ZNF528: variants seen among roughly 807,000 people sequenced by gnomAD.
The protein encoded by ZNF528 is zinc finger protein 528.
In ZNF528, 9 loss-of-function variants were observed where a neutral mutation model predicts 13.3. The ratio of observed to expected loss-of-function variants is 0.67; its 90% confidence interval spans 0.41 to 1.18. The LOEUF (loss-of-function observed/expected upper bound fraction) is 1.18, where lower values mean the gene tolerates loss of function less well. Ranked by LOEUF, ZNF528 falls within the 50% of genes most tolerant of loss-of-function variation. ZNF528 has a pLI of 0.01. For synonymous variants in ZNF528, 264 were observed against 254.3 expected (o/e 1.04, Z -0.36); for missense variants, 858 against 745.4 (o/e 1.15, Z -1.76).
At chr19:52,405,261 C>A (rs149144967) in intron 4 of ZNF528, among the ~76,000 whole-genome samples, 2 of 148,666 alleles carry the variant, frequency 1.3e-5, no homozygotes, top group Non-Finnish European at 3.0e-5. Flanking sequence ...TTGGGTGTGG[C>A]GGCTCACACC....
In ZNF528 at chr19:52,415,104, C is replaced by G. The variant is rs1568430456; in HGVS notation, c.272-20C>G. 6.2e-7 allele frequency: 1 copy of G among 1,609,712 alleles called. No homozygotes were observed. The highest frequency in any genetic ancestry group is 1.3e-5 in the African/African-American group (1 of 74,638). On this transcript the variant is annotated intron_variant, in intron 6 of 6. Coordinates refer to ENST00000360465, the MANE Select transcript of ZNF528 (RefSeq NM_032423.3). ...GCCATTATCATGGGTTGAAGTTCCA[C>G]TTTTTTCTTTCTGTTTTAGAGAGGA...
At position 52,416,700 on chromosome 19, in the gene ZNF528, C is replaced by T. The variant is rs770028229; in HGVS notation, c.1848C>T (p.His616=). 1 of 1,609,760 alleles carries T rather than the reference C, an allele frequency of 6.2e-7. No individual in the cohort carries two copies. The highest frequency in any genetic ancestry group is 1.7e-5 in the Admixed American group (1 of 59,920). Residue 616 remains histidine, a synonymous_variant, in exon 7 of 7, where the codon CAC becomes CAT. Coordinates refer to ENST00000360465, the MANE Select transcript of ZNF528 (RefSeq NM_032423.3). ...CCCTGTGCAGTAAGGTCTTCAGTCACAATTCTGACCTTGCACAGCATCAGA... is the reference window on the plus strand; with the variant it reads ...CCCTGTGCAGTAAGGTCTTCAGTCATAATTCTGACCTTGCACAGCATCAGA... ...KCTLCSKVFS[H]NSDLAQHQRV...
chr19:52,406,922 C>G (rs2058863980), intron 6 of ZNF528: 1 of 400,116 alleles, frequency 2.5e-6, no homozygotes, highest in African/African-American at 2.1e-5. Context: ...CTTGTGAGTT[C>G]TGAACAGACA....
At chr19:52,408,232 C>T (rs1382074526) in intron 6 of ZNF528, 2 of 148,822 alleles carry the variant, frequency 1.3e-5, no homozygotes, top group Non-Finnish European at 3.0e-5. Flanking sequence ...CCAGGCTGAT[C>T]TCGGCTCACT....
rs187908222 is a variant in ZNF528, at chr19:52,414,804, A to G, written c.272-320A>G. The stretch of plus-strand genomic sequence containing the variant: ...TGTGGAAGTACCATTATTAATGTCT[A>G]TACAGCTCTTCTTGGATTTCTGATT... On this transcript the variant is annotated intron_variant, in intron 6 of 6. Coordinates refer to ENST00000360465, the MANE Select transcript of ZNF528 (RefSeq NM_032423.3). The G allele has an allele frequency of 2.1e-4, 117 of 565,114 alleles. 1 individual carries two copies. The East Asian group carries it at 3.7e-3, about 18-fold the overall frequency. 35.0% of individuals were successfully genotyped at this position (565,114 alleles called of 1,614,324 possible). A position where few individuals can be genotyped will look rare whatever the true frequency, so the allele number is the denominator to read the frequency against.
chr19:52,406,365 G>A, intron 5 of ZNF528, 150 bp from the exon 6 acceptor site: 1 of 1,220,346 alleles, frequency 8.2e-7, no homozygotes, highest in Non-Finnish European at 1.1e-6. Context: ...ATGTTACAAT[G>A]TTCCCTAAGC....
At position 52,409,864 on chromosome 19, in the gene ZNF528, A is replaced by G. The variant is rs140181117; in HGVS notation, c.271+3221A>G. Among the ~76,000 whole-genome samples the G allele has an allele frequency of 2.1e-3, 327 of 152,150 alleles. 7 individuals carry two copies. The East Asian group carries it at 0.047, about 22-fold the overall frequency. On this transcript the variant is annotated intron_variant, in intron 6 of 6. Transcript: ENST00000360465. ...CCTGAGTAGCTGGGACTAGGCGCACACCATCACGCCTGGCTAATTTTTGTA... is the reference window on the plus strand; with the variant it reads ...CCTGAGTAGCTGGGACTAGGCGCACGCCATCACGCCTGGCTAATTTTTGTA...
chr19:52,401,254 C>T (rs1318803071), intron 2 of ZNF528, among the ~76,000 whole-genome samples: 1 of 152,114 alleles, frequency 6.6e-6, no homozygotes, highest in African/African-American at 2.4e-5. Context: ...CCTGAACTCC[C>T]CCAGACATGT....
chr19:52,414,543 C>T (rs1213804360), intron 6 of ZNF528: 3 of 531,076 alleles, frequency 5.6e-6, no homozygotes, highest in Non-Finnish European at 1.0e-5. Context: ...GAACAATAGA[C>T]TGTAGATGTC....
rs934418712 is a variant in ZNF528, at chr19:52,417,468, T to C, written c.*729T>C. On this transcript the variant is annotated 3_prime_UTR_variant, in exon 7 of 7. Transcript: ENST00000360465. ...CACCAACTGACCATGAAATAGAGTA[T>C]GCTGTAATCTTAAGGCATAGGTTAT... 1 of 155,864 alleles carries C rather than the reference T, an allele frequency of 6.4e-6. No individual in the cohort carries two copies. The highest frequency in any genetic ancestry group is 6.5e-5 in the Admixed American group (1 of 15,394). 9.7% of individuals were successfully genotyped at this position (155,864 alleles called of 1,614,324 possible).
At chr19:52,406,342 G>C (rs1400991696) in intron 5 of ZNF528, among the ~76,000 whole-genome samples, 173 bp from the exon 6 acceptor site, 3 of 152,130 alleles carry the variant, frequency 2.0e-5, no homozygotes, top group Non-Finnish European at 2.9e-5. Context: ...TTGGAAGGGG[G>C]CTCTATGTCT....
intron 2 of ZNF528, among the ~76,000 whole-genome samples, chr19:52,400,296 G>A (rs2058777123): frequency 6.7e-6 from 1 of 149,866 alleles, no homozygotes; most frequent in South Asian, 2.1e-4. Context: ...TTCATCCTCA[G>A]AAGAAAAAAC....
intron 6 of ZNF528, chr19:52,411,760 T>C (rs1008129024): frequency 1.3e-5 from 2 of 152,222 alleles, no homozygotes; most frequent in Non-Finnish European, 2.9e-5. Flanking sequence ...CTAAACCTTT[T>C]CTACTTTCAT....
chr19:52,400,769 T>A (rs1178488086), intron 2 of ZNF528, among the ~76,000 whole-genome samples: 1 of 152,006 alleles, frequency 6.6e-6, no homozygotes, highest in African/African-American at 2.4e-5. Context: ...CTAGCCATCC[T>A]CCTACAAAGA....
At chr19:52,411,415 C>T (rs574518210) in intron 6 of ZNF528, 26 of 152,322 alleles carry the variant, frequency 1.7e-4, no homozygotes, top group Middle Eastern at 3.4e-3. Flanking sequence ...TGCTGTAATG[C>T]ACCCATTGGT....
Position 52,415,450 on chromosome 19 carries a change from A to G in ZNF528, c.598A>G (p.Ser200Gly), listed in dbSNP as rs753379000. The G allele has an allele frequency of 7.5e-5, 121 of 1,614,236 alleles. No individual in the cohort carries two copies. The East Asian group carries it at 2.6e-3, about 35-fold the overall frequency. The change falls in exon 7 of 7, where the codon AGC (serine) becomes GGC (glycine). Residue 200 changes from serine to glycine, a missense_variant. Coordinates refer to ENST00000360465, the MANE Select transcript of ZNF528 (RefSeq NM_032423.3). ...CGGCCAAGTCTTTAGAGCATCTGCAAGCCTTACTAACCAAGTAATCCATAA... is the reference window on the plus strand; with the variant it reads ...CGGCCAAGTCTTTAGAGCATCTGCAGGCCTTACTAACCAAGTAATCCATAA... The part of the protein sequence containing the change: ...EHGQVFRASA[S>G]LTNQVIHNAD...
At chr19:52,414,226 T>A (rs1267987414) in intron 6 of ZNF528, 1 of 702,542 alleles carries the variant, frequency 1.4e-6, no homozygotes, top group Non-Finnish European at 2.6e-6. Flanking sequence ...AGCAGAACCT[T>A]CTTTGTTCAC....
At position 52,416,006 on chromosome 19, in the gene ZNF528, A is replaced by G. The variant is rs753718071; in HGVS notation, c.1154A>G (p.Glu385Gly). 1 of 1,614,158 alleles carries G rather than the reference A, an allele frequency of 6.2e-7. No individual in the cohort carries two copies. The highest frequency in any genetic ancestry group is 8.5e-7 in the Non-Finnish European group (1 of 1,180,034). ...HTGRKPYKCK[E>G]CDKVFGRKCF... Reference sequence around the variant, plus strand: ...GGAAGGAAACCTTACAAATGTAAAGAATGTGACAAGGTCTTTGGGCGCAAG... The same window carrying G: ...GGAAGGAAACCTTACAAATGTAAAGGATGTGACAAGGTCTTTGGGCGCAAG... The change falls in exon 7 of 7, where the codon GAA (glutamate) becomes GGA (glycine). Residue 385 changes from glutamate to glycine, a missense_variant. Physicochemically the swap from Glu to Gly is moderately conservative, Grantham distance 98. Coordinates refer to ENST00000360465, the MANE Select transcript of ZNF528 (RefSeq NM_032423.3).
Position 52,405,964 on chromosome 19 carries a change from C to G in ZNF528, c.73C>G (p.Leu25Val). Residue 25 changes from leucine to valine, a missense_variant, in exon 5 of 7, where the codon CTG becomes GTG. By Grantham distance (32) the Leu-to-Val change is conservative. Coordinates refer to ENST00000360465, the MANE Select transcript of ZNF528 (RefSeq NM_032423.3). Reference sequence around the variant, plus strand: ...GTTCTCTCAGGAAGAGTGGAAATGCCTGGACCCTGCGCAGAGGACTTTATA... The same window carrying G: ...GTTCTCTCAGGAAGAGTGGAAATGCGTGGACCCTGCGCAGAGGACTTTATA... Reference protein sequence around the residue: ...IEFSQEEWKCLDPAQRTLYRD... With the variant: ...IEFSQEEWKCVDPAQRTLYRD... 3 of 1,612,258 alleles carry G rather than the reference C, an allele frequency of 1.9e-6. No homozygotes were observed. The highest frequency in any genetic ancestry group is 2.5e-6 in the Non-Finnish European group (3 of 1,178,714).
Sources: gnomAD v4.1 joint callset for allele counts (sites outside exome capture counted in the v4.1 genomes callset) on GRCh38, gnomAD v4.1.1 for gene constraint, MANE v1.5 for transcripts, NCBI Gene and HGNC (gene_info 2026-07-23, HGNC 2026-07-21) for gene names.